PTPRD: variants seen among roughly 807,000 people sequenced by gnomAD.
PTPRD encodes the protein receptor-type tyrosine-protein phosphatase delta.
Under a neutral mutation model 214.5 loss-of-function variants are expected in PTPRD, and 34 were observed. That is an observed-to-expected ratio of 0.16 (90% CI 0.12 to 0.21). The LOEUF (loss-of-function observed/expected upper bound fraction) is 0.21, where lower values mean the gene tolerates loss of function less well. Among genes scored for constraint, PTPRD ranks in the 10% least tolerant of loss-of-function variants. The pLI is 1.00. For synonymous variants in PTPRD, 1,128 were observed against 845.7 expected, an observed-to-expected ratio of 1.33 and a Z score of -5.79; for missense variants, 2,545 against 2,398.7, an observed-to-expected ratio of 1.06 and a Z score of -1.27.
chr9:8,346,383 A>G lies in PTPRD; in HGVS notation c.4662-4405T>C, dbSNP rs142537409. 4.5e-3 allele frequency among the ~76,000 whole-genome samples: 683 copies of G among 152,274 alleles called. 7 individuals carry two copies. The highest frequency in any genetic ancestry group is 0.016 in the African/African-American group (668 of 41,570). The stretch of plus-strand genomic sequence containing the variant: ...TTTATGCTCTTGAGGTGAAAACATC[A>G]TATAGAGTAGTCCCCTTTTATCTGT... On this transcript the variant is annotated intron_variant, in intron 39 of 45. Coordinates refer to ENST00000381196, the MANE Select transcript of PTPRD (RefSeq NM_002839.4).
intron 14 of PTPRD, among the ~76,000 whole-genome samples, chr9:8,631,936 G>C (rs1045256958): frequency 1.3e-5 from 2 of 151,864 alleles, no homozygotes; most frequent in African/African-American, 4.8e-5. Flanking sequence ...TGTCATAACA[G>C]CCAGAAATGT....
At chr9:10,387,054 C>G (rs933027879) in intron 2 of PTPRD, among the ~76,000 whole-genome samples, 11 of 151,604 alleles carry the variant, frequency 7.3e-5, no homozygotes, top group African/African-American at 2.4e-4. Context: ...CCTCCAGAAG[C>G]TGGAAATAGA....
chr9:10,069,972 G>A (rs1050342462), intron 3 of PTPRD, among the ~76,000 whole-genome samples: 1 of 151,988 alleles, frequency 6.6e-6, no homozygotes, highest in African/African-American at 2.4e-5. Flanking sequence ...TATGTGCCAT[G>A]AACACACTGA....
At chr9:8,980,199 T>G (rs2099302964) in intron 11 of PTPRD, among the ~76,000 whole-genome samples, 2 of 151,820 alleles carry the variant, frequency 1.3e-5, no homozygotes, top group East Asian at 3.9e-4. Flanking sequence ...TACACAGAGA[T>G]AGAGAGTGAA....
intron 2 of PTPRD, among the ~76,000 whole-genome samples, chr9:10,529,557 GGGGCCTGTT>G (rs2055496569): frequency 1.4e-5 from 2 of 147,446 alleles, no homozygotes; most frequent in South Asian, 4.4e-4. Context: ...CATCATACAC[GGGGCCTGTT>G]GGGGGATGGG....
intron 5 of PTPRD, among the ~76,000 whole-genome samples, chr9:9,812,869 A>G (rs2047583412): frequency 6.6e-6 from 1 of 152,084 alleles, no homozygotes; most frequent in African/African-American, 2.4e-5. Context: ...TCCAGGGTAT[A>G]TTGTGTTAGA....
intron 7 of PTPRD, among the ~76,000 whole-genome samples, chr9:9,685,630 T>A (rs971240420): frequency 6.6e-6 from 1 of 151,328 alleles, no homozygotes; most frequent in Non-Finnish European, 1.5e-5. Context: ...AGGAAAAGTA[T>A]GTTGCTTGTC....
At chr9:9,019,566 C>T (rs747712286) in intron 10 of PTPRD, among the ~76,000 whole-genome samples, 12 of 151,984 alleles carry the variant, frequency 7.9e-5, no homozygotes, top group African/African-American at 1.4e-4. Flanking sequence ...ATTAGCCAGG[C>T]GTGGTCGTGT....
intron 8 of PTPRD, among the ~76,000 whole-genome samples, chr9:9,569,310 G>C (rs571332384): frequency 6.6e-6 from 1 of 151,620 alleles, no homozygotes; most frequent in Admixed American, 6.6e-5. Flanking sequence ...GGGAAGAACT[G>C]AGCCACAAAG....
chr9:8,388,887 C>A (rs2088293278), intron 37 of PTPRD, among the ~76,000 whole-genome samples: 1 of 151,976 alleles, frequency 6.6e-6, no homozygotes, highest in South Asian at 2.1e-4. Flanking sequence ...GGATTCTCCC[C>A]AAAGCCCGTA....
At chr9:8,823,366 G>A (rs2097110203) in intron 11 of PTPRD, among the ~76,000 whole-genome samples, 1 of 152,106 alleles carries the variant, frequency 6.6e-6, no homozygotes, top group Non-Finnish European at 1.5e-5. Flanking sequence ...TTGAACTACA[G>A]AATCATGTAA....
intron 11 of PTPRD, among the ~76,000 whole-genome samples, chr9:8,940,172 T>C (rs1304265864): frequency 6.6e-6 from 1 of 151,772 alleles, no homozygotes; most frequent in Non-Finnish European, 1.5e-5. Context: ...GAACTCAGTC[T>C]TCAGGCTACA....
intron 2 of PTPRD, among the ~76,000 whole-genome samples, chr9:10,419,133 A>C (rs1281731126): frequency 1.3e-5 from 2 of 151,946 alleles, no homozygotes; most frequent in African/African-American, 4.8e-5. Flanking sequence ...ACAAAACTTC[A>C]TAGCAATAAA....
chr9:8,815,711 C>T (rs903526135), intron 11 of PTPRD, among the ~76,000 whole-genome samples: 1 of 151,996 alleles, frequency 6.6e-6, no homozygotes, highest in African/African-American at 2.4e-5. Context: ...TTTTAAGTCA[C>T]TGTATAACTG....
At chr9:10,204,268 A>G (rs1186398181) in intron 3 of PTPRD, among the ~76,000 whole-genome samples, 4 of 151,980 alleles carry the variant, frequency 2.6e-5, no homozygotes, top group Non-Finnish European at 5.9e-5. Context: ...GCTTGCTTCT[A>G]TGTGTTCTGA....
intron 9 of PTPRD, among the ~76,000 whole-genome samples, chr9:9,212,333 C>T (rs1223756911): frequency 6.6e-6 from 1 of 152,128 alleles, no homozygotes; most frequent in African/African-American, 2.4e-5. Context: ...TCTCCTGCCA[C>T]CCCTAGGCCT....
At chr9:8,703,726 G>T (rs992209672) in intron 12 of PTPRD, among the ~76,000 whole-genome samples, 1 of 152,062 alleles carries the variant, frequency 6.6e-6, no homozygotes, top group Non-Finnish European at 1.5e-5. Flanking sequence ...TAATCCCGTG[G>T]CTCTGTCACC....
chr9:8,913,731 G>A (rs1566968667), intron 11 of PTPRD, among the ~76,000 whole-genome samples: 1 of 152,086 alleles, frequency 6.6e-6, no homozygotes, highest in Non-Finnish European at 1.5e-5. Context: ...ACTAGAAAGA[G>A]TGAAGAAATT....
At chr9:8,659,884 A>C (rs950817873) in intron 12 of PTPRD, among the ~76,000 whole-genome samples, 1 of 152,214 alleles carries the variant, frequency 6.6e-6, no homozygotes, top group Non-Finnish European at 1.5e-5. Flanking sequence ...GAATATTATC[A>C]TGGCAGTGTA....
Sources: gnomAD v4.1 joint callset for allele counts (sites outside exome capture counted in the v4.1 genomes callset) on GRCh38, gnomAD v4.1.1 for gene constraint, MANE v1.5 for transcripts, NCBI Gene and HGNC (gene_info 2026-07-23, HGNC 2026-07-21) for gene names.